The following CDH4 variants were observed in gnomAD, a reference collection of about 807,000 sequenced individuals.
CDH4 encodes the protein cadherin 4.
Under a neutral mutation model 86.0 loss-of-function variants are expected in CDH4, and 33 were observed. That is an observed-to-expected ratio of 0.38 (90% CI 0.29 to 0.51). The LOEUF is 0.51. Among genes scored for constraint, CDH4 ranks in the 20% least tolerant of loss-of-function variants. The probability of loss-of-function intolerance (pLI) is 0.86; values close to 1 mark genes in which losing one functional copy is unlikely to be tolerated. For synonymous variants in CDH4, 555 were observed against 549.4 expected, an observed-to-expected ratio of 1.01 and a Z score of -0.14; for missense variants, 1,114 against 1,307.4, an observed-to-expected ratio of 0.85 and a Z score of 2.28.
rs926053907 is a variant in CDH4 at position 61,334,758 on chromosome 20, G to A, written c.169+79821G>A. On this transcript the variant is annotated intron_variant, in intron 2 of 15. Transcript: ENST00000614565. Reference sequence around the variant, plus strand: ...TGCAGGGCCTCCGTCTGTAGCCCTCGCCTCCTGGGGTGGAAGCTCATGTCC... The same window carrying A: ...TGCAGGGCCTCCGTCTGTAGCCCTCACCTCCTGGGGTGGAAGCTCATGTCC... Among the ~76,000 whole-genome samples, 9 of 152,334 alleles carry A rather than the reference G, an allele frequency of 5.9e-5. No homozygotes were observed. In the East Asian group the frequency reaches 7.7e-4, roughly 13 times the overall value.
At chr20:61,578,197 G>A (rs549522973) in intron 2 of CDH4, among the ~76,000 whole-genome samples, 34 of 152,198 alleles carry the variant, frequency 2.2e-4, no homozygotes, top group Non-Finnish European at 4.0e-4. Context: ...CACCCCTGTT[G>A]GTGAAGAGAG....
Position 61,879,846 on chromosome 20 carries a change from AT to A in CDH4, c.1050+5950del, listed in dbSNP as rs1175270179. Among the ~76,000 whole-genome samples the A allele has an allele frequency of 6.6e-6, 1 of 152,082 alleles. No homozygotes were observed. Among genetic ancestry groups the A allele is most frequent in the Non-Finnish European group, 1.5e-5 (1 of 68,010 alleles). ...TTCCAGGCTGCTCCCGAGGATGTTG[AT>A]TTTGTTATTAGAAACTGAATCCGGC... On this transcript the variant is annotated intron_variant, in intron 7 of 15. Transcript: ENST00000614565. This position sits in a 1 kb window ranked among gnomAD's most constrained non-coding sequence, Gnocchi z 4.1.
At chr20:61,660,657 G>T (rs1369057830) in intron 2 of CDH4, among the ~76,000 whole-genome samples, 1 of 152,174 alleles carries the variant, frequency 6.6e-6, no homozygotes, top group Non-Finnish European at 1.5e-5. Flanking sequence ...ACTGAGTCTG[G>T]ACCCTCTGAG....
intron 2 of CDH4, among the ~76,000 whole-genome samples, chr20:61,345,319 C>T (rs1452076933): frequency 6.6e-6 from 1 of 152,262 alleles, no homozygotes; most frequent in African/African-American, 2.4e-5. Context: ...AGTTTTAAAA[C>T]CTCAGACAAC....
chr20:61,770,882 C>CAA (rs4002953), intron 3 of CDH4, among the ~76,000 whole-genome samples: 53,384 of 111,354 alleles, frequency 0.48, 10,862 homozygotes, highest in Middle Eastern at 0.54. Context: ...GACTCCGTCT[C>CAA]AAAAAAAAAA....
At chr20:61,731,923 C>T (rs2088194740) in intron 2 of CDH4, among the ~76,000 whole-genome samples, 1 of 152,122 alleles carries the variant, frequency 6.6e-6, no homozygotes, top group Non-Finnish European at 1.5e-5. Context: ...CCAGGTTGCC[C>T]CACCTGCACG....
At chr20:61,664,270 C>T (rs769956235) in intron 2 of CDH4, among the ~76,000 whole-genome samples, 3 of 152,212 alleles carry the variant, frequency 2.0e-5, no homozygotes, top group African/African-American at 4.8e-5. Flanking sequence ...TGTCACCTGC[C>T]TCTTGACATC....
Position 61,417,614 on chromosome 20 carries a change from G to A in CDH4, c.169+162677G>A, listed in dbSNP as rs1306389599. ...GAATGCATTTCTGTATCGCTATCTA[G>A]CAGGGCTGTAAATTGGCAGCGTGGA... is the stretch of plus-strand genomic sequence containing the variant. On this transcript the variant is annotated intron_variant, in intron 2 of 15. Coordinates refer to ENST00000614565, the MANE Select transcript of CDH4 (RefSeq NM_001794.5). This position sits in a 1 kb window ranked among gnomAD's most constrained non-coding sequence, Gnocchi z 4.0. 6.6e-6 allele frequency among the ~76,000 whole-genome samples: 1 copy of A among 152,208 alleles called. No individual in the cohort carries two copies. The highest frequency in any genetic ancestry group is 1.5e-5 in the Non-Finnish European group (1 of 68,052).
At chr20:61,445,557 C>G (rs533061454) in intron 2 of CDH4, among the ~76,000 whole-genome samples, 1 of 152,218 alleles carries the variant, frequency 6.6e-6, no homozygotes, top group East Asian at 1.9e-4. Flanking sequence ...CCGGCCCCTC[C>G]TCCCCCTCTC....
In CDH4 at chr20:61,703,238, G is replaced by A. The variant is rs1373164583; in HGVS notation, c.170-40325G>A. ...CTTTTCCTGACTTCTATGTGCAGTG[G>A]ATTTCCTGCTTTGTGGCAGAGGCTG... is the stretch of plus-strand genomic sequence containing the variant. On this transcript the variant is annotated intron_variant, in intron 2 of 15. Coordinates refer to ENST00000614565, the MANE Select transcript of CDH4 (RefSeq NM_001794.5). The surrounding 1 kb of genome is among the most constrained non-coding windows in gnomAD (Gnocchi z 4.3). Among the ~76,000 whole-genome samples the A allele has an allele frequency of 6.6e-6, 1 of 152,178 alleles. No homozygotes were observed. Among genetic ancestry groups the A allele is most frequent in the African/African-American group, 2.4e-5 (1 of 41,458 alleles).
intron 2 of CDH4, among the ~76,000 whole-genome samples, chr20:61,650,699 G>A (rs2087111459): frequency 6.6e-6 from 1 of 152,140 alleles, no homozygotes; most frequent in Non-Finnish European, 1.5e-5. Context: ...AGTTTATATT[G>A]TATTTTAAAA....
intron 2 of CDH4, among the ~76,000 whole-genome samples, chr20:61,347,269 C>T (rs2084684985): frequency 1.3e-5 from 2 of 152,250 alleles, no homozygotes; most frequent in Admixed American, 6.5e-5. Context: ...TAAATGCTTG[C>T]TCCACACATT....
intron 2 of CDH4, among the ~76,000 whole-genome samples, chr20:61,364,178 C>A (rs1395611518): frequency 6.6e-6 from 1 of 152,226 alleles, no homozygotes; most frequent in African/African-American, 2.4e-5. Flanking sequence ...CCAGCTCAGG[C>A]TCATCCAGTA....
At chr20:61,848,562 G>A (rs576155764) in intron 5 of CDH4, among the ~76,000 whole-genome samples, 21 of 152,128 alleles carry the variant, frequency 1.4e-4, no homozygotes, top group South Asian at 2.1e-4. Flanking sequence ...GTCTGACTTC[G>A]TCAGCCAGGC....
chr20:61,836,844 T>A (rs1335963466), intron 4 of CDH4, among the ~76,000 whole-genome samples: 1 of 152,228 alleles, frequency 6.6e-6, no homozygotes, highest in Non-Finnish European at 1.5e-5. Flanking sequence ...AATTTTATAA[T>A]CACTTTCCAT....
At chr20:61,586,374 T>G (rs1213060022) in intron 2 of CDH4, among the ~76,000 whole-genome samples, 1 of 152,204 alleles carries the variant, frequency 6.6e-6, no homozygotes, top group Non-Finnish European at 1.5e-5. Context: ...AAGCTCTTTA[T>G]GTGCATTAAC....
chr20:61,352,911 C>T (rs1370638254), intron 2 of CDH4, among the ~76,000 whole-genome samples: 2 of 152,134 alleles, frequency 1.3e-5, no homozygotes, highest in African/African-American at 2.4e-5. Flanking sequence ...CCCATCCTTG[C>T]GGCGCACAGG....
At chr20:61,573,030 T>TTGGATGGA (rs760571002) in intron 2 of CDH4, among the ~76,000 whole-genome samples, 8,384 of 140,354 alleles carry the variant, frequency 0.06, 293 homozygotes, top group African/African-American at 0.11. Flanking sequence ...GGATGGATGG[T>TTGGATGGA]TGGATGGATG....
At chr20:61,677,743 A>T (rs1372845820) in intron 2 of CDH4, among the ~76,000 whole-genome samples, 1 of 142,924 alleles carries the variant, frequency 7.0e-6, no homozygotes, top group Non-Finnish European at 1.5e-5. Flanking sequence ...AGGCAGGTGG[A>T]TGGGTGGATA....
Sources: allele counts gnomAD v4.1 joint callset (sites outside exome capture counted in the v4.1 genomes callset), GRCh38; gene constraint gnomAD v4.1.1; non-coding constraint Gnocchi (gnomAD v3.1); transcripts MANE v1.5; gene names NCBI Gene and HGNC (gene_info 2026-07-23, HGNC 2026-07-21).